Variants in FMN1 observed in about 807,000 individuals in gnomAD.
FMN1 encodes the protein formin 1.
In FMN1, 110 loss-of-function variants were observed where a neutral mutation model predicts 132.4. The ratio of observed to expected loss-of-function variants is 0.83; its 90% CI spans 0.71 to 0.97. FMN1 has a LOEUF of 0.97. FMN1 is among the 50% of genes least tolerant of loss of function. The pLI is 0.00. For missense variants in FMN1, 1,792 were observed against 1,705.3 expected (o/e 1.05, Z -0.90); for synonymous variants, 722 against 651.7 (o/e 1.11, Z -1.64).
At chr15:32,796,504 G>A (rs1157542067) in intron 19 of FMN1, among the ~76,000 whole-genome samples, 1 of 152,118 alleles carries the variant, frequency 6.6e-6, no homozygotes, top group Non-Finnish European at 1.5e-5. Context: ...GTCTCCTGAT[G>A]TTTAGTGTTG....
intron 10 of FMN1, among the ~76,000 whole-genome samples, chr15:32,912,993 A>G (rs11638578): frequency 6.6e-6 from 1 of 152,204 alleles, no homozygotes. Context: ...AATGCTTGTT[A>G]ATGCCTTATC....
intron 4 of FMN1, among the ~76,000 whole-genome samples, chr15:33,091,718 C>T (rs149849226): frequency 3.7e-3 from 567 of 152,180 alleles, no homozygotes; most frequent in African/African-American, 0.013. Context: ...ATACAAACAA[C>T]TTTTTTTCAG....
intron 19 of FMN1, among the ~76,000 whole-genome samples, chr15:32,777,763 A>G (rs2056497376): frequency 7.1e-6 from 1 of 140,552 alleles, no homozygotes; most frequent in Non-Finnish European, 1.5e-5. Flanking sequence ...TGTATAATAC[A>G]TTTATATACT....
At chr15:32,850,174 A>G (rs1214129729) in intron 17 of FMN1, among the ~76,000 whole-genome samples, 1 of 152,032 alleles carries the variant, frequency 6.6e-6, no homozygotes, top group African/African-American at 2.4e-5. Flanking sequence ...TTTGTAAAGG[A>G]CGTCAGAATT....
intron 6 of FMN1, among the ~76,000 whole-genome samples, chr15:33,040,337 G>T (rs1383798682): frequency 6.6e-6 from 1 of 152,032 alleles, no homozygotes; most frequent in Non-Finnish European, 1.5e-5. Flanking sequence ...ATGTTTGATT[G>T]AACTTATTTG....
intron 9 of FMN1, among the ~76,000 whole-genome samples, chr15:32,931,336 T>C (rs2061111357): frequency 6.6e-6 from 1 of 152,234 alleles, no homozygotes; most frequent in Admixed American, 6.5e-5. Context: ...GAGATGTCTT[T>C]ACAGTTATTT....
chr15:33,100,940 ACAT>A (rs1238518899), intron 4 of FMN1, among the ~76,000 whole-genome samples: 4 of 152,330 alleles, frequency 2.6e-5, no homozygotes, highest in South Asian at 4.1e-4. Flanking sequence ...TCACAATATG[ACAT>A]CAAGTATGAA....
chr15:32,853,329 A>C (rs1374974013), intron 17 of FMN1, among the ~76,000 whole-genome samples: 1 of 152,232 alleles, frequency 6.6e-6, no homozygotes, highest in Admixed American at 6.5e-5. Context: ...CAAAATTGAT[A>C]GAATTTTCAC....
intron 9 of FMN1, among the ~76,000 whole-genome samples, chr15:32,956,851 G>A (rs2061780426): frequency 6.6e-6 from 1 of 152,146 alleles, no homozygotes; most frequent in African/African-American, 2.4e-5. Flanking sequence ...ATAAATTTAT[G>A]TTCAGGCTTC....
chr15:33,102,053 A>T (rs2039313936), intron 4 of FMN1, among the ~76,000 whole-genome samples: 2 of 151,976 alleles, frequency 1.3e-5, no homozygotes, highest in South Asian at 4.2e-4. Flanking sequence ...TGTCTTCCAA[A>T]CTAAGTTTAT....
rs572463438 is a variant in FMN1 at position 33,151,090 on chromosome 15, G to C, written c.1867+1958C>G. 621 of 1,332,592 alleles carry C rather than the reference G, an allele frequency of 4.7e-4. 5 individuals are homozygous for C. In the South Asian group the frequency reaches 0.012, roughly 26 times the overall value. 82.5% of individuals were successfully genotyped at this position (1,332,592 alleles called of 1,614,324 possible). A position where few individuals can be genotyped will look rare whatever the true frequency, so the allele number is the denominator to read the frequency against. ...AAAGAGGACTCACAGCGACAGGAAA[G>C]GGAAAATCAAGAGAGAAAAGGGAAC... On this transcript the variant is annotated intron_variant, in intron 4 of 20. Transcript: ENST00000616417.
intron 4 of FMN1, among the ~76,000 whole-genome samples, chr15:33,130,882 T>C (rs1354126281): frequency 2.6e-5 from 4 of 152,250 alleles, no homozygotes; most frequent in African/African-American, 4.8e-5. Flanking sequence ...TTTGGTTCTA[T>C]TTCTTACTAG....
intron 16 of FMN1, among the ~76,000 whole-genome samples, chr15:32,869,386 A>G (rs1298186326): frequency 6.6e-6 from 1 of 152,194 alleles, no homozygotes; most frequent in Non-Finnish European, 1.5e-5. Context: ...GTAGTTAGGA[A>G]AAGTCTCACT....
At chr15:32,805,797 GC>G (rs34698989) in intron 17 of FMN1, among the ~76,000 whole-genome samples, 32,291 of 152,138 alleles carry the variant, frequency 0.21, 4,068 homozygotes, top group Admixed American at 0.28. Flanking sequence ...TGGGAATCTT[GC>G]CGCATACTGC....
At chr15:32,809,056 A>G (rs993380731) in intron 17 of FMN1, among the ~76,000 whole-genome samples, 7 of 149,498 alleles carry the variant, frequency 4.7e-5, no homozygotes, top group African/African-American at 1.7e-4. Context: ...GGAGAAAGAG[A>G]AAAACTTATT....
chr15:32,859,198 T>C (rs2141302616), intron 16 of FMN1, among the ~76,000 whole-genome samples: 1 of 152,268 alleles, frequency 6.6e-6, no homozygotes, highest in African/African-American at 2.4e-5. Flanking sequence ...TTTTCTCTAG[T>C]CTCTATAAAT....
chr15:32,808,763 G>C (rs2057768768), intron 17 of FMN1, among the ~76,000 whole-genome samples: 1 of 152,190 alleles, frequency 6.6e-6, no homozygotes, highest in Non-Finnish European at 1.5e-5. Flanking sequence ...GCAAATGCTA[G>C]TAGTCACTAC....
rs1019264484 is a variant in FMN1 at position 32,957,734 on chromosome 15, TATA to T, written c.3138+6370_3138+6372del. Among the ~76,000 whole-genome samples the T allele has an allele frequency of 2.6e-4, 40 of 152,346 alleles. 1 individual carries two copies. Among genetic ancestry groups the T allele is most frequent in the Admixed American group, 2.1e-3 (32 of 15,306 alleles). On this transcript the variant is annotated intron_variant, in intron 9 of 20. Coordinates refer to ENST00000616417, the MANE Select transcript of FMN1 (RefSeq NM_001277313.2). The stretch of plus-strand genomic sequence containing the variant: ...ATGCAAAGAATACTTAACGTACTCT[TATA>T]ATTTCATATTATACTTATAATAACC...
chr15:33,067,180 C>T lies in FMN1; in HGVS notation c.2044-2106G>A, dbSNP rs757172481. The T allele has an allele frequency of 5.6e-6, 9 of 1,613,868 alleles. No homozygotes were observed. The South Asian group carries it at 9.9e-5, about 18-fold the overall frequency. ...GTAGGTCTTGGGACCCTTCTTCTCC[C>T]ACCTGGTCCTGGCTGGGGCGACGCT... is the stretch of plus-strand genomic sequence containing the variant. On this transcript the variant is annotated intron_variant, in intron 5 of 20. Coordinates refer to ENST00000616417, the MANE Select transcript of FMN1 (RefSeq NM_001277313.2).
Sources: gnomAD v4.1 joint callset for allele counts (sites outside exome capture counted in the v4.1 genomes callset) on GRCh38, gnomAD v4.1.1 for gene constraint, MANE v1.5 for transcripts, NCBI Gene and HGNC (gene_info 2026-07-23, HGNC 2026-07-21) for gene names.